Variants in SAMD5 observed in about 807,000 individuals in gnomAD.
The protein encoded by SAMD5 is sterile alpha motif domain-containing protein 5.
In SAMD5, 13 loss-of-function variants were observed where a neutral mutation model predicts 11.3. The ratio of observed to expected loss-of-function variants is 1.15; its 90% CI spans 0.75 to 1.83. The LOEUF (loss-of-function observed/expected upper bound fraction) is 1.83, where lower values mean the gene tolerates loss of function less well. Among genes scored for constraint, SAMD5 ranks in the 40% most tolerant of loss-of-function variants. The pLI is 0.00. For missense variants in SAMD5, 255 were observed against 239.1 expected (o/e 1.07, Z -0.44); for synonymous variants, 129 against 111.3 (o/e 1.16, Z -1.00).
intron 1 of SAMD5, among the ~76,000 whole-genome samples, chr6:147,685,597 T>C (rs1038789591): frequency 3.3e-5 from 5 of 152,254 alleles, no homozygotes; most frequent in African/African-American, 1.2e-4. Flanking sequence ...TCTGGCTGCA[T>C]ATCTGGAGTC....
the SAMD5 span, among the ~76,000 whole-genome samples, chr6:147,873,910 CAAAAACCCCAAATTA>C: frequency 6.6e-6 from 1 of 152,056 alleles, no homozygotes; most frequent in African/African-American, 2.4e-5. Context: ...AATGTTATTT[CAAAAACCCCAAATTA>C]GCAGCAAACT....
chr6:147,677,738 A>C (rs78125958), intron 1 of SAMD5, among the ~76,000 whole-genome samples: 1 of 151,976 alleles, frequency 6.6e-6, no homozygotes, highest in South Asian at 2.1e-4. Flanking sequence ...GGCACTGTAA[A>C]GGGATGGGGA....
chr6:147,509,612 T>G (rs1788056962), intron 1 of SAMD5, among the ~76,000 whole-genome samples: 1 of 152,136 alleles, frequency 6.6e-6, no homozygotes, highest in African/African-American at 2.4e-5. Flanking sequence ...AGATGTTATC[T>G]CTAAACTAAC....
chr6:147,720,773 G>A (rs1324833281), intron 1 of SAMD5, among the ~76,000 whole-genome samples: 1 of 150,724 alleles, frequency 6.6e-6, no homozygotes, highest in African/African-American at 2.4e-5. Flanking sequence ...ATGTATACAT[G>A]TGCCATGCTG....
the SAMD5 span, among the ~76,000 whole-genome samples, chr6:147,800,624 C>G: frequency 1.3e-5 from 2 of 152,302 alleles, no homozygotes; most frequent in Admixed American, 6.5e-5. Context: ...GCTGCTTTGC[C>G]CATCCTATTT....
intron 1 of SAMD5, among the ~76,000 whole-genome samples, chr6:147,511,170 G>A (rs1383558838): frequency 2.0e-5 from 3 of 152,216 alleles, no homozygotes; most frequent in African/African-American, 4.8e-5. Flanking sequence ...GTAATGGGGC[G>A]GGGAGAGCAG....
the SAMD5 span, among the ~76,000 whole-genome samples, chr6:147,809,967 C>A: frequency 1.3e-5 from 2 of 152,176 alleles, no homozygotes; most frequent in African/African-American, 4.8e-5. Context: ...GGTCCCTAGC[C>A]ATGTCTAGCT....
rs1319104737 is a variant in SAMD5, at chr6:147,621,550, A to C, written c.162+112163A>C. Among the ~76,000 whole-genome samples, 6 of 152,242 alleles carry C rather than the reference A, an allele frequency of 3.9e-5. No homozygotes were observed. In the East Asian group the frequency reaches 1.2e-3, roughly 29 times the overall value. On this transcript the variant is annotated intron_variant, in intron 1 of 1. Transcript: ENST00000566741. ...TATCCCCCATCCCAGAGAATGACTCATGATTGGCCTGAGCCTGTCAAGGCC... is the reference window on the plus strand; with the variant it reads ...TATCCCCCATCCCAGAGAATGACTCCTGATTGGCCTGAGCCTGTCAAGGCC...
the SAMD5 span, among the ~76,000 whole-genome samples, chr6:147,794,660 T>G: frequency 6.6e-6 from 1 of 152,190 alleles, no homozygotes; most frequent in Non-Finnish European, 1.5e-5. Context: ...AATGTTTGAT[T>G]ATTCGAGTTC....
At chr6:147,664,412 T>G (rs1790688337) in intron 1 of SAMD5, among the ~76,000 whole-genome samples, 1 of 152,180 alleles carries the variant, frequency 6.6e-6, no homozygotes, top group African/African-American at 2.4e-5. Flanking sequence ...GTCCTGATAC[T>G]TTTAAGGTCC....
chr6:147,616,160 A>G (rs149080134), intron 1 of SAMD5, among the ~76,000 whole-genome samples: 10,299 of 140,854 alleles, frequency 0.073, 1,785 homozygotes, highest in African/African-American at 0.28. Context: ...TTATTCATAT[A>G]TATTTCATAT....
chr6:147,726,799 G>A (rs1791635612), intron 1 of SAMD5, among the ~76,000 whole-genome samples: 1 of 152,212 alleles, frequency 6.6e-6, no homozygotes, highest in Non-Finnish European at 1.5e-5. Context: ...AAAGAGGTGG[G>A]CGGAGGGCTT....
chr6:147,934,819 G>T, the SAMD5 span, among the ~76,000 whole-genome samples: 1 of 152,144 alleles, frequency 6.6e-6, no homozygotes, highest in East Asian at 1.9e-4. Context: ...TTCTGCTGTT[G>T]ACCATTAGGT....
At chr6:147,938,312 C>G in the SAMD5 span, among the ~76,000 whole-genome samples, 1 of 151,822 alleles carries the variant, frequency 6.6e-6, no homozygotes, top group Non-Finnish European at 1.5e-5. Flanking sequence ...GACAACAGTA[C>G]TAAAAGTGTA....
chr6:147,588,399 C>T (rs1277890846), intron 1 of SAMD5, among the ~76,000 whole-genome samples: 8 of 149,970 alleles, frequency 5.3e-5, no homozygotes, highest in African/African-American at 1.2e-4. Flanking sequence ...CTGCAACCTC[C>T]GCCTCCCAGG....
chr6:147,643,676 T>C (rs531944248), intron 1 of SAMD5, among the ~76,000 whole-genome samples: 1 of 151,112 alleles, frequency 6.6e-6, no homozygotes, highest in South Asian at 2.1e-4. Context: ...CAGAATTTGG[T>C]GTATTTTATG....
downstream of SAMD5, among the ~76,000 whole-genome samples, chr6:147,738,273 G>T (rs1363901971): frequency 6.6e-6 from 1 of 152,132 alleles, no homozygotes; most frequent in South Asian, 2.1e-4. Flanking sequence ...CTGTTGGGTT[G>T]GTGTCATCCT....
the SAMD5 span, among the ~76,000 whole-genome samples, chr6:147,785,540 A>G: frequency 1.6e-4 from 25 of 152,328 alleles, no homozygotes; most frequent in African/African-American, 6.0e-4. Context: ...TTCTCCAGGC[A>G]TGAATCTTCT....
At chr6:147,562,375 G>C (rs769560395) in intron 1 of SAMD5, among the ~76,000 whole-genome samples, 4 of 152,200 alleles carry the variant, frequency 2.6e-5, no homozygotes, top group Non-Finnish European at 5.9e-5. Context: ...CTTGGAAGTA[G>C]TCTTGTTGCC....
Sources: gnomAD v4.1 joint callset for allele counts (sites outside exome capture counted in the v4.1 genomes callset) on GRCh38, gnomAD v4.1.1 for gene constraint, MANE v1.5 for transcripts, NCBI Gene and HGNC (gene_info 2026-07-23, HGNC 2026-07-21) for gene names.